Variants in EPHA6 observed in about 807,000 individuals in gnomAD.
EPHA6 encodes the protein EPH receptor A6, also known as ephrin type-A receptor 6.
In EPHA6, 50 loss-of-function variants were observed where a neutral mutation model predicts 112.0. The ratio of observed to expected loss-of-function variants is 0.45; its 90% CI spans 0.36 to 0.56. EPHA6 has a LOEUF of 0.56. Ranked by LOEUF, EPHA6 falls within the 20% of genes least tolerant of loss-of-function variation. The pLI is 0.00. For missense variants in EPHA6, 1,280 were observed against 1,417.4 expected (o/e 0.90, Z 1.56); for synonymous variants, 529 against 490.7 (o/e 1.08, Z -1.03).
At chr3:97,083,807 G>A (rs1395646245) in intron 3 of EPHA6, among the ~76,000 whole-genome samples, 1 of 151,688 alleles carries the variant, frequency 6.6e-6, no homozygotes, top group East Asian at 1.9e-4. Flanking sequence ...ATCATTATTT[G>A]TAATAGTTAA....
At chr3:96,874,309 G>A (rs1401274216) in intron 2 of EPHA6, among the ~76,000 whole-genome samples, 1 of 152,004 alleles carries the variant, frequency 6.6e-6, no homozygotes, top group Non-Finnish European at 1.5e-5. Flanking sequence ...AAAAGCCTAG[G>A]AATATCTGGT....
At chr3:96,926,589 G>C (rs537776215) in intron 2 of EPHA6, among the ~76,000 whole-genome samples, 1 of 152,336 alleles carries the variant, frequency 6.6e-6, no homozygotes, top group Admixed American at 6.5e-5. Context: ...TGGGGGCACA[G>C]GTATTGGATA....
In EPHA6 at chr3:97,756,324, T is replaced by G. The variant is rs2036025115; in HGVS notation, c.*7623T>G. On this transcript the variant is annotated 3_prime_UTR_variant, in exon 18 of 18. Transcript: ENST00000389672. ...AAACTTGTAACTGAACAAGCTATTTTTTTCTGTCAATGTGATTGATATGCT... is the reference window on the plus strand; with the variant it reads ...AAACTTGTAACTGAACAAGCTATTTGTTTCTGTCAATGTGATTGATATGCT... 6.6e-6 allele frequency among the ~76,000 whole-genome samples: 1 copy of G among 151,964 alleles called. No homozygotes were observed. Among genetic ancestry groups the G allele is most frequent in the African/African-American group, 2.4e-5 (1 of 41,440 alleles).
chr3:97,568,429 A>G (rs758948066), intron 11 of EPHA6, among the ~76,000 whole-genome samples: 6 of 152,118 alleles, frequency 3.9e-5, no homozygotes, highest in African/African-American at 1.4e-4. Context: ...AACGAGTCCA[A>G]GTTCTTTGGC....
At chr3:97,192,126 G>GT (rs903836686) in intron 3 of EPHA6, among the ~76,000 whole-genome samples, 2 of 151,774 alleles carry the variant, frequency 1.3e-5, no homozygotes, top group African/African-American at 4.8e-5. Context: ...CACTCTATGG[G>GT]TTTTTTTGTT....
chr3:97,613,712 G>T (rs1352413136), intron 13 of EPHA6, among the ~76,000 whole-genome samples: 1 of 152,158 alleles, frequency 6.6e-6, no homozygotes, highest in Non-Finnish European at 1.5e-5. Context: ...TAATTTTAAA[G>T]TTGAATACAT....
At chr3:97,155,653 T>A (rs2076272262) in intron 3 of EPHA6, among the ~76,000 whole-genome samples, 1 of 152,114 alleles carries the variant, frequency 6.6e-6, no homozygotes, top group Non-Finnish European at 1.5e-5. Context: ...CTGGGGAGAA[T>A]CTGCTTCCAA....
Position 97,244,304 on chromosome 3 carries a change from T to G in EPHA6, c.1606+17T>G. 6.2e-7 allele frequency: 1 copy of G among 1,607,968 alleles called. No individual in the cohort carries two copies. Among genetic ancestry groups the G allele is most frequent in the South Asian group, 1.1e-5 (1 of 90,922 alleles). ...ATCAAGATGGTAAGTTCCACTGCTG[T>G]TCTCTCAAAACAGACCCATAATTTC... On this transcript the variant is annotated intron_variant, in intron 5 of 17. Transcript: ENST00000389672.
rs1491420279 is a variant in EPHA6, at chr3:97,214,038, T to TGTGTGTGTGTGTGTGAGA, written c.1115-12225_1115-12224insTGTGTGTGTGTGTGAGAG. Among the ~76,000 whole-genome samples, 646 of 77,772 alleles carry TGTGTGTGTGTGTGTGAGA rather than the reference T, an allele frequency of 8.3e-3. 6 individuals carry two copies. The highest frequency in any genetic ancestry group is 0.021 in the African/African-American group (602 of 28,594). The allele number at this position is 77,772 out of a possible 152,430, so 51.0% of individuals were successfully genotyped here. ...GTGTGTGTGTGTGTGTGTGTGTGTG[T>TGTGTGTGTGTGTGTGAGA]GAGAGAGAGAGAGAGAGGGAGAGGG... is the stretch of plus-strand genomic sequence containing the variant. On this transcript the variant is annotated intron_variant, in intron 3 of 17. Transcript: ENST00000389672.
intron 11 of EPHA6, among the ~76,000 whole-genome samples, chr3:97,588,629 C>T (rs2093514000): frequency 6.6e-6 from 1 of 152,100 alleles, no homozygotes; most frequent in Non-Finnish European, 1.5e-5. Flanking sequence ...CAATTTTATG[C>T]TTAAAGGCTT....
At chr3:97,192,649 T>C (rs1247722293) in intron 3 of EPHA6, among the ~76,000 whole-genome samples, 3 of 152,174 alleles carry the variant, frequency 2.0e-5, no homozygotes, top group African/African-American at 7.2e-5. Context: ...CATTTGCCCA[T>C]TTTTGTTTCA....
At chr3:97,161,279 A>G (rs1473536711) in intron 3 of EPHA6, among the ~76,000 whole-genome samples, 1 of 152,122 alleles carries the variant, frequency 6.6e-6, no homozygotes, top group African/African-American at 2.4e-5. Context: ...TTTTTAGATG[A>G]TGCAATGGTT....
intron 3 of EPHA6, among the ~76,000 whole-genome samples, chr3:97,197,836 G>A (rs2077480060): frequency 6.6e-6 from 1 of 151,972 alleles, no homozygotes; most frequent in African/African-American, 2.4e-5. Context: ...GGGCTACCAG[G>A]AACTCAGGCT....
chr3:97,703,576 A>G (rs2033517792), intron 14 of EPHA6, among the ~76,000 whole-genome samples: 1 of 152,238 alleles, frequency 6.6e-6, no homozygotes, highest in Non-Finnish European at 1.5e-5. Flanking sequence ...ATTGGCTGTA[A>G]AATCACCAGT....
intron 5 of EPHA6, among the ~76,000 whole-genome samples, chr3:97,278,489 A>G (rs2076561724): frequency 6.6e-6 from 1 of 152,216 alleles, no homozygotes; most frequent in Non-Finnish European, 1.5e-5. Context: ...TCTAGCCATA[A>G]TGTGTCCTTT....
At chr3:97,315,136 A>T (rs777470078) in intron 5 of EPHA6, among the ~76,000 whole-genome samples, 1 of 151,678 alleles carries the variant, frequency 6.6e-6, no homozygotes, top group Non-Finnish European at 1.5e-5. Flanking sequence ...TATAATTCCA[A>T]TGATCTTTTA....
chr3:97,154,732 T>C (rs185187237), intron 3 of EPHA6, among the ~76,000 whole-genome samples: 3 of 152,294 alleles, frequency 2.0e-5, no homozygotes, highest in South Asian at 2.1e-4. Context: ...TTTGTGAACA[T>C]TTAACTCACT....
intron 2 of EPHA6, among the ~76,000 whole-genome samples, chr3:96,897,551 A>T (rs889568769): frequency 6.6e-6 from 1 of 152,222 alleles, no homozygotes; most frequent in African/African-American, 2.4e-5. Flanking sequence ...TGCAGTCTTC[A>T]TTTAATGTCC....
chr3:97,500,024 G>A (rs1213970339), intron 10 of EPHA6, among the ~76,000 whole-genome samples: 1 of 152,060 alleles, frequency 6.6e-6, no homozygotes, highest in Non-Finnish European at 1.5e-5. Context: ...ACATTGTACA[G>A]CTGTATAAAA....
Sources: allele counts gnomAD v4.1 joint callset (sites outside exome capture counted in the v4.1 genomes callset), GRCh38; gene constraint gnomAD v4.1.1; transcripts MANE v1.5; gene names NCBI Gene and HGNC (gene_info 2026-07-23, HGNC 2026-07-21).